The following PRDM16 variants were observed in gnomAD, a reference collection of about 807,000 sequenced individuals.
PRDM16 encodes PR/SET domain 16.
A neutral mutation model predicts 110.6 loss-of-function variants in PRDM16; 23 were observed. That is an observed-to-expected ratio of 0.21 (90% CI 0.15 to 0.29). The LOEUF (loss-of-function observed/expected upper bound fraction) is 0.29, where lower values mean the gene tolerates loss of function less well. PRDM16 is among the 10% of genes least tolerant of loss of function. The pLI, the probability that PRDM16 is intolerant of heterozygous loss-of-function variation, is 1.00. For synonymous variants in PRDM16, 799 were observed against 781.8 expected, an observed-to-expected ratio of 1.02 and a Z score of -0.37; for missense variants, 1,615 against 1,794.3, an observed-to-expected ratio of 0.90 and a Z score of 1.81.
intron 1 of PRDM16, among the ~76,000 whole-genome samples, chr1:3,074,559 G>C (rs1057114805): frequency 1.3e-5 from 2 of 152,188 alleles, no homozygotes; most frequent in Admixed American, 6.5e-5. Context: ...CACACCTGCA[G>C]GCTGGACTCC....
At position 3,412,999 on chromosome 1, in the gene PRDM16, A is replaced by G. The variant is rs938407786; in HGVS notation, c.2603+199A>G. Among the ~76,000 whole-genome samples the G allele has an allele frequency of 3.2e-4, 49 of 152,108 alleles. 1 individual carries two copies. In the South Asian group the frequency reaches 3.9e-3, roughly 12 times the overall value. On this transcript the variant is annotated intron_variant, in intron 9 of 16. Transcript: ENST00000270722. ...TGCCTGGCTTGGCTGCTCCTAAGCT[A>G]GGTGCCTGGCCCGGGCCGTGTTTGG...
chr1:3,169,691 G>A (rs373673865), intron 1 of PRDM16, among the ~76,000 whole-genome samples: 4 of 152,226 alleles, frequency 2.6e-5, no homozygotes, highest in African/African-American at 4.8e-5. Context: ...CCCAACACCC[G>A]CAAGGGCCTG....
chr1:3,407,645 G>C (rs2493303), intron 8 of PRDM16, among the ~76,000 whole-genome samples: 51,079 of 152,074 alleles, frequency 0.34, 10,324 homozygotes, highest in African/African-American at 0.57. Flanking sequence ...ATTGGACCTA[G>C]GTTTAAACTT....
intron 2 of PRDM16, among the ~76,000 whole-genome samples, chr1:3,234,186 C>G (rs1257177209): frequency 6.6e-6 from 1 of 152,172 alleles, no homozygotes; most frequent in African/African-American, 2.4e-5. Flanking sequence ...TCATCCCTGA[C>G]TCATCCCCCT....
intron 1 of PRDM16, among the ~76,000 whole-genome samples, chr1:3,130,839 C>T (rs1480113566): frequency 1.3e-5 from 2 of 151,340 alleles, no homozygotes; most frequent in African/African-American, 2.4e-5. Flanking sequence ...TGCCGGCACA[C>T]GGTTCTGGGT....
chr1:3,077,240 C>G (rs1311114329), intron 1 of PRDM16, among the ~76,000 whole-genome samples: 2 of 152,186 alleles, frequency 1.3e-5, no homozygotes, highest in African/African-American at 4.8e-5. Context: ...CGGGCCCTGC[C>G]CCCTGACACA....
At chr1:3,102,280 G>A (rs1284046453) in intron 1 of PRDM16, among the ~76,000 whole-genome samples, 1 of 152,214 alleles carries the variant, frequency 6.6e-6, no homozygotes. Flanking sequence ...GGACCTGCCA[G>A]CACCTGGCTA....
intron 2 of PRDM16, among the ~76,000 whole-genome samples, chr1:3,188,468 G>T (rs1391929231): frequency 3.3e-5 from 5 of 152,220 alleles, no homozygotes; most frequent in Non-Finnish European, 5.9e-5. Flanking sequence ...TGACTTTGTG[G>T]TGTGTTTATC....
At chr1:3,196,796 C>A (rs1037640553) in intron 2 of PRDM16, among the ~76,000 whole-genome samples, 9 of 152,228 alleles carry the variant, frequency 5.9e-5, no homozygotes, top group Admixed American at 1.3e-4. Context: ...CCCTGAACTT[C>A]CTTCCTCCCC....
intron 3 of PRDM16, among the ~76,000 whole-genome samples, chr1:3,342,611 GCTTTTCCATCACTCCTGGTCT>G (rs1483613867): frequency 9.9e-5 from 15 of 152,194 alleles, no homozygotes; most frequent in African/African-American, 3.6e-4. Context: ...TCAACAGAAG[GCTTTTCCATCACTCCTGGTCT>G]CTTCCAGTCA....
At chr1:3,294,838 T>G (rs1641050671) in intron 3 of PRDM16, among the ~76,000 whole-genome samples, 4 of 152,216 alleles carry the variant, frequency 2.6e-5, no homozygotes, top group Non-Finnish European at 2.9e-5. Flanking sequence ...TGTTCTTATT[T>G]TCCCTTTTCT....
chr1:3,402,267 AGC>A (rs1491396967), intron 5 of PRDM16, among the ~76,000 whole-genome samples: 1 of 98,980 alleles, frequency 1.0e-5, no homozygotes, highest in Non-Finnish European at 2.5e-5. Flanking sequence ...ACGGGCCCAG[AGC>A]CCCCCACCGG....
chr1:3,374,475 G>A (rs1024747890), intron 3 of PRDM16, among the ~76,000 whole-genome samples: 12 of 152,174 alleles, frequency 7.9e-5, no homozygotes, highest in Non-Finnish European at 1.2e-4. Flanking sequence ...CTGGACACAC[G>A]TGTCCCCAGA....
At chr1:3,247,235 A>C (rs1639809298) in intron 3 of PRDM16, among the ~76,000 whole-genome samples, 1 of 152,134 alleles carries the variant, frequency 6.6e-6, no homozygotes. Flanking sequence ...CCTGTTCTTT[A>C]TCTGCCTCAG....
At chr1:3,428,423 G>A (rs1638679959) in intron 14 of PRDM16, among the ~76,000 whole-genome samples, 1 of 152,196 alleles carries the variant, frequency 6.6e-6, no homozygotes, top group Admixed American at 6.5e-5. Context: ...GCTTCTCACA[G>A]CCCTAGGGGT....
At chr1:3,394,509 TG>T (rs1247631744) in intron 4 of PRDM16, 1 of 358,782 alleles carries the variant, frequency 2.8e-6, no homozygotes, top group Non-Finnish European at 5.7e-6. Context: ...GTGGGGTGGG[TG>T]GTGCGGCCTG....
chr1:3,306,373 T>C (rs1641313293), intron 3 of PRDM16, among the ~76,000 whole-genome samples: 1 of 152,140 alleles, frequency 6.6e-6, no homozygotes, highest in African/African-American at 2.4e-5. Context: ...AAATTTTCCA[T>C]ATAAAAAAGC....
chr1:3,134,218 C>A (rs1643390962), intron 1 of PRDM16, among the ~76,000 whole-genome samples: 1 of 152,182 alleles, frequency 6.6e-6, no homozygotes, highest in South Asian at 2.1e-4. Flanking sequence ...TACACAGAGG[C>A]TCCCACAGAG....
chr1:3,207,213 T>A (rs1290782480), intron 2 of PRDM16: 1 of 152,202 alleles, frequency 6.6e-6, no homozygotes, highest in Non-Finnish European at 1.5e-5. Flanking sequence ...TTTTATGACT[T>A]GGAAATAAAT....
Sources: gnomAD v4.1 joint callset for allele counts (sites outside exome capture counted in the v4.1 genomes callset) on GRCh38, gnomAD v4.1.1 for gene constraint, MANE v1.5 for transcripts, NCBI Gene and HGNC (gene_info 2026-07-23, HGNC 2026-07-21) for gene names.